The following SMARCA2 variants were observed in gnomAD, a reference collection of about 807,000 sequenced individuals.
The protein encoded by SMARCA2 is SWI/SNF-related matrix-associated actin-dependent regulator of chromatin subfamily A member 2.
A neutral mutation model predicts 199.8 loss-of-function variants in SMARCA2; 61 were observed. The observed-to-expected ratio is 0.31, with a 90% CI of 0.25 to 0.38. SMARCA2 has a LOEUF of 0.38. SMARCA2 is among the 10% of genes least tolerant of loss of function. SMARCA2 has a pLI of 1.00. For synonymous variants in SMARCA2, 935 were observed against 732.0 expected, an observed-to-expected ratio of 1.28 and a Z score of -4.48; for missense variants, 1,344 against 2,012.2, an observed-to-expected ratio of 0.67 and a Z score of 6.35.
chr9:2,094,786 C>CT (rs1456078405), intron 19 of SMARCA2, among the ~76,000 whole-genome samples: 1 of 152,134 alleles, frequency 6.6e-6, no homozygotes, highest in Admixed American at 6.5e-5. Flanking sequence ...TCAGAAAGCA[C>CT]TTTGCACAGG....
In SMARCA2 at chr9:2,104,963, A is replaced by C. The variant is rs1822687295; in HGVS notation, c.3292+794A>C. On this transcript the variant is annotated intron_variant, in intron 23 of 33. Coordinates refer to ENST00000349721, the MANE Select transcript of SMARCA2 (RefSeq NM_003070.5). The surrounding 1 kb of genome is among the most constrained non-coding windows in gnomAD (Gnocchi z 4.0). ...GATGCTATTTAATCCCTGGGTAGAA[A>C]AGAGGATACTGCTAATACCAGTATT... Among the ~76,000 whole-genome samples the C allele has an allele frequency of 6.6e-6, 1 of 152,230 alleles. No individual in the cohort carries two copies. The highest frequency in any genetic ancestry group is 6.5e-5 in the Admixed American group (1 of 15,288).
chr9:2,054,801 T>A, intron 6 of SMARCA2, 78 bp downstream of exon 6: 1 of 1,450,038 alleles, frequency 6.9e-7, no homozygotes. Context: ...GTGTTGCCTT[T>A]AGTCTATTCA....
intron 27 of SMARCA2, chr9:2,157,912 C>T: frequency 2.5e-6 from 1 of 398,456 alleles, no homozygotes; most frequent in Non-Finnish European, 4.4e-6. Flanking sequence ...GATGAGAGGG[C>T]CACGACTGGA....
Position 2,169,008 on chromosome 9 carries a change from A to G in SMARCA2, c.4200-1411A>G, listed in dbSNP as rs557825693. 6.6e-6 allele frequency among the ~76,000 whole-genome samples: 1 copy of G among 152,212 alleles called. No individual in the cohort carries two copies. The highest frequency in any genetic ancestry group is 1.5e-5 in the Non-Finnish European group (1 of 68,042). On this transcript the variant is annotated intron_variant, in intron 28 of 33. Coordinates refer to ENST00000349721, the MANE Select transcript of SMARCA2 (RefSeq NM_003070.5). The surrounding 1 kb of genome is among the most constrained non-coding windows in gnomAD (Gnocchi z 6.5). ...TCACTCGTGCACATTCGGAGATGAC[A>G]TGGTCTACTTAAGCTTCTGTGTCTC...
At chr9:2,070,321 G>A (rs1354912412) in intron 9 of SMARCA2, 97 bp from the exon 10 acceptor site, 2 of 935,342 alleles carry the variant, frequency 2.1e-6, no homozygotes, top group Non-Finnish European at 3.5e-6. Flanking sequence ...TAATAATGGG[G>A]TAACAATGAA....
intron 27 of SMARCA2, among the ~76,000 whole-genome samples, chr9:2,124,965 T>G (rs963691210): frequency 2.0e-5 from 3 of 152,094 alleles, no homozygotes; most frequent in Non-Finnish European, 2.9e-5. Context: ...AACAAAAGCT[T>G]TGGGGAGTTG....
intron 25 of SMARCA2, among the ~76,000 whole-genome samples, chr9:2,116,476 G>A (rs1823222896): frequency 6.6e-6 from 1 of 152,190 alleles, no homozygotes. Context: ...GGATCACAGA[G>A]CTTCAACATG....
rs1252266345 is a variant in SMARCA2, at chr9:2,116,595, G to C, written c.3684+546G>C. Among the ~76,000 whole-genome samples the C allele has an allele frequency of 2.6e-5, 4 of 152,182 alleles. No individual in the cohort carries two copies. The East Asian group carries it at 7.7e-4, about 29-fold the overall frequency. ...AATTTTTCTTTAAGAGCTGTCTGAA[G>C]GTTGGGAAAAATTCTGGTTAAACAG... On this transcript the variant is annotated intron_variant, in intron 25 of 33. Transcript: ENST00000349721.
chr9:2,031,044 G>A (rs966719356), intron 2 of SMARCA2, among the ~76,000 whole-genome samples: 16 of 152,144 alleles, frequency 1.1e-4, no homozygotes, highest in Middle Eastern at 3.4e-3. Flanking sequence ...TTTTCTGTAT[G>A]TTCATTACAA....
intron 31 of SMARCA2, 63 bp from the exon 32 acceptor site, chr9:2,186,033 G>T: frequency 6.6e-7 from 1 of 1,518,656 alleles, no homozygotes; most frequent in South Asian, 1.2e-5. Flanking sequence ...ATTGCATAAG[G>T]AAGAGTTCAC....
At chr9:2,101,432 G>T (rs758616262) in intron 21 of SMARCA2, 138 bp from the exon 22 acceptor site, 2 of 490,050 alleles carry the variant, frequency 4.1e-6, no homozygotes, top group Non-Finnish European at 3.7e-6. Flanking sequence ...GGTTCATTAC[G>T]TGTGTAAGTT....
intron 19 of SMARCA2, among the ~76,000 whole-genome samples, chr9:2,088,942 T>C (rs1021296715): frequency 6.7e-6 from 1 of 150,078 alleles, no homozygotes; most frequent in African/African-American, 2.5e-5. Context: ...TGTAGAATTG[T>C]TCTGCTTATA....
At chr9:2,192,575 G>A (rs139590719) in intron 33 of SMARCA2, 129 bp from the exon 34 acceptor site, 186 of 749,392 alleles carry the variant, frequency 2.5e-4, no homozygotes, top group African/African-American at 1.4e-3. Flanking sequence ...GTCCTCCCAC[G>A]GAAAGAGATT....
intron 27 of SMARCA2, among the ~76,000 whole-genome samples, chr9:2,153,531 G>A (rs1014655045): frequency 1.6e-4 from 24 of 152,110 alleles, no homozygotes; most frequent in African/African-American, 5.1e-4. Flanking sequence ...ATGAGGCCCC[G>A]TCTAGAATAA....
chr9:2,159,940 G>C, intron 27 of SMARCA2: 1 of 1,590,810 alleles, frequency 6.3e-7, no homozygotes, highest in Non-Finnish European at 8.6e-7. Context: ...CCGTCTTGAA[G>C]ATTCAGTAGA....
At chr9:2,067,600 T>G (rs1157879012) in intron 9 of SMARCA2, among the ~76,000 whole-genome samples, 1 of 152,218 alleles carries the variant, frequency 6.6e-6, no homozygotes, top group Non-Finnish European at 1.5e-5. Flanking sequence ...AGGCACTGTT[T>G]GTTACCGTTC....
chr9:2,066,045 G>T (rs867165220), intron 9 of SMARCA2, among the ~76,000 whole-genome samples: 1 of 152,106 alleles, frequency 6.6e-6, no homozygotes, highest in Non-Finnish European at 1.5e-5. Context: ...AAAATTACCC[G>T]ATTACCTATC....
chr9:2,156,971 A>T (rs1342823546), intron 27 of SMARCA2, among the ~76,000 whole-genome samples: 2 of 152,146 alleles, frequency 1.3e-5, no homozygotes, highest in African/African-American at 4.8e-5. Context: ...ACTTTAGGGA[A>T]TTTGATTTTA....
Position 2,123,854 on chromosome 9 carries a change from G to A in SMARCA2, c.3898G>A (p.Glu1300Lys), listed in dbSNP as rs1253725251. 6.2e-7 allele frequency: 1 copy of A among 1,610,110 alleles called. No homozygotes were observed. The highest frequency in any genetic ancestry group is 1.7e-5 in the Admixed American group (1 of 59,444). ...EVERLTCEEE[E>K]EKIFGRGSRQ... Reference sequence around the variant, plus strand: ...AGAAAGGCTCACCTGTGAAGAAGAGGAGGAGAAAATATTTGGGAGGGGGTC... The same window carrying A: ...AGAAAGGCTCACCTGTGAAGAAGAGAAGGAGAAAATATTTGGGAGGGGGTC... Residue 1300 changes from glutamate to lysine, a missense_variant, in exon 27 of 34, where the codon GAG becomes AAG. By Grantham distance (56) the Glu-to-Lys change is moderately conservative (BLOSUM62 1). Coordinates refer to ENST00000349721, the MANE Select transcript of SMARCA2 (RefSeq NM_003070.5). The surrounding 1 kb of genome is among the most constrained non-coding windows in gnomAD (Gnocchi z 4.1).
Sources: gnomAD v4.1 joint callset for allele counts (sites outside exome capture counted in the v4.1 genomes callset) on GRCh38, gnomAD v4.1.1 for gene constraint, Gnocchi (gnomAD v3.1) non-coding constraint, MANE v1.5 for transcripts, NCBI Gene and HGNC (gene_info 2026-07-23, HGNC 2026-07-21) for gene names.